Variants in MVB12B observed in about 807,000 individuals in gnomAD.
The protein encoded by MVB12B is ESCRT-I complex subunit MVB12B.
MVB12B carries 16 observed loss-of-function variants against 41.6 expected under a neutral mutation model. That is an observed-to-expected ratio of 0.38 (90% confidence interval 0.26 to 0.58). The LOEUF is 0.58. Ranked by LOEUF, MVB12B falls within the 20% of genes least tolerant of loss-of-function variation. The pLI is 0.62. For synonymous variants in MVB12B, 133 were observed against 139.7 expected (o/e 0.95, Z 0.34); for missense variants, 274 against 380.2 (o/e 0.72, Z 2.32).
chr9:126,420,561 C>CTTTTT (rs567217742), intron 6 of MVB12B, among the ~76,000 whole-genome samples: 15 of 98,874 alleles, frequency 1.5e-4, no homozygotes, highest in African/African-American at 4.6e-4. Context: ...TCCCAGGAGT[C>CTTTTT]TTTTTTTTTT....
intron 7 of MVB12B, among the ~76,000 whole-genome samples, chr9:126,455,148 A>G (rs1832956034): frequency 6.6e-6 from 1 of 152,124 alleles, no homozygotes; most frequent in East Asian, 1.9e-4. Context: ...CGAGCTGGCT[A>G]GAGGTGAATT....
At chr9:126,420,137 CTT>C (rs1206836270) in intron 6 of MVB12B, among the ~76,000 whole-genome samples, 1 of 152,236 alleles carries the variant, frequency 6.6e-6, no homozygotes, top group Non-Finnish European at 1.5e-5. Context: ...ATTGTTCCTT[CTT>C]TTCATGCTTA....
At position 126,425,725 on chromosome 9, in the gene MVB12B, G is replaced by A. The variant is rs142801223; in HGVS notation, c.757+3777G>A. On this transcript the variant is annotated intron_variant, in intron 7 of 9. Coordinates refer to ENST00000361171, the MANE Select transcript of MVB12B (RefSeq NM_033446.3). ...TTTATGTCCTGCTGGCCCTCTGGAT[G>A]TGGACTGGGCAGGCAAGCAGCCGGC... 8.1e-4 allele frequency among the ~76,000 whole-genome samples: 123 copies of A among 152,332 alleles called. 1 individual carries two copies. The highest frequency in any genetic ancestry group is 3.4e-3 in the Middle Eastern group (1 of 294).
intron 7 of MVB12B, among the ~76,000 whole-genome samples, chr9:126,456,053 G>T (rs1326784039): frequency 6.6e-6 from 1 of 152,028 alleles, no homozygotes; most frequent in South Asian, 2.1e-4. Flanking sequence ...ACCATGCCCA[G>T]CTAATTTTGT....
intron 7 of MVB12B, among the ~76,000 whole-genome samples, chr9:126,435,314 G>A (rs892216217): frequency 2.6e-5 from 4 of 152,150 alleles, no homozygotes; most frequent in Non-Finnish European, 4.4e-5. Context: ...GATGGAGAGG[G>A]TGCAGCTGAC....
intron 2 of MVB12B, among the ~76,000 whole-genome samples, chr9:126,375,646 TTC>T (rs1830462718): frequency 6.6e-5 from 10 of 152,166 alleles, no homozygotes; most frequent in Admixed American, 6.5e-4. Flanking sequence ...TAATCCTCGG[TTC>T]TGCTGATGCA....
intron 7 of MVB12B, among the ~76,000 whole-genome samples, chr9:126,430,032 G>A (rs918366475): frequency 5.9e-5 from 9 of 152,144 alleles, no homozygotes; most frequent in African/African-American, 2.2e-4. Context: ...GAAGGCCGTG[G>A]GCCCGGGCCT....
At chr9:126,413,068 C>T (rs1042432630) in intron 6 of MVB12B, among the ~76,000 whole-genome samples, 6 of 152,222 alleles carry the variant, frequency 3.9e-5, no homozygotes, top group African/African-American at 1.4e-4. Context: ...CTGTCCTTTC[C>T]TTCCACAGCT....
rs78712219 is a variant in MVB12B, at chr9:126,356,206, C to T, written c.204+15576C>T. Reference sequence around the variant, plus strand: ...TTCTAAAAGAACTTTAGATTCAACTCGTCAAATTGCACAAAATACTATGTT... The same window carrying T: ...TTCTAAAAGAACTTTAGATTCAACTTGTCAAATTGCACAAAATACTATGTT... On this transcript the variant is annotated intron_variant, in intron 2 of 9. Coordinates refer to ENST00000361171, the MANE Select transcript of MVB12B (RefSeq NM_033446.3). Among the ~76,000 whole-genome samples the T allele has an allele frequency of 6.1e-3, 932 of 152,244 alleles. 14 individuals are homozygous for T. The highest frequency in any genetic ancestry group is 0.021 in the African/African-American group (874 of 41,526).
Position 126,481,365 on chromosome 9 carries a change from G to A in MVB12B, c.758-4G>A. The stretch of plus-strand genomic sequence containing the variant: ...ATGCCATCTTTTTTTTTCTTCTTTT[G>A]CAGCAATGGATGGTGTGCCTTTTAT... On this transcript the variant is annotated splice_region_variant and splice_polypyrimidine_tract_variant and intron_variant, in intron 7 of 9. Coordinates refer to ENST00000361171, the MANE Select transcript of MVB12B (RefSeq NM_033446.3). 6.2e-7 allele frequency: 1 copy of A among 1,607,148 alleles called. No homozygotes were observed. The highest frequency in any genetic ancestry group is 8.5e-7 in the Non-Finnish European group (1 of 1,177,048).
chr9:126,434,576 A>G (rs529616315), intron 7 of MVB12B, among the ~76,000 whole-genome samples: 5 of 152,366 alleles, frequency 3.3e-5, no homozygotes, highest in African/African-American at 1.2e-4. Context: ...CCTAGAGGCA[A>G]TAAACACACC....
At chr9:126,380,954 G>A (rs2118961830) in intron 2 of MVB12B, 110 bp from the exon 3 acceptor site, 1 of 741,978 alleles carries the variant, frequency 1.3e-6, no homozygotes, top group African/African-American at 1.8e-5. Context: ...GAGATGCCGG[G>A]AGATCCCAAG....
intron 6 of MVB12B, among the ~76,000 whole-genome samples, chr9:126,413,813 A>G (rs1478504520): frequency 2.1e-5 from 2 of 93,446 alleles, no homozygotes; most frequent in East Asian, 2.8e-4. Context: ...TGTGAACCCC[A>G]TTGGTTGTGT....
At chr9:126,375,477 A>G (rs531299320) in intron 2 of MVB12B, among the ~76,000 whole-genome samples, 13 of 142,870 alleles carry the variant, frequency 9.1e-5, no homozygotes, top group African/African-American at 2.8e-4. Context: ...GAGAAAGTAC[A>G]GTTCTAAATG....
intron 6 of MVB12B, among the ~76,000 whole-genome samples, chr9:126,419,451 T>C (rs1458555855): frequency 6.6e-6 from 1 of 152,198 alleles, no homozygotes; most frequent in Non-Finnish European, 1.5e-5. Context: ...CAACACGCAC[T>C]GGGCCGCGCA....
chr9:126,420,561 C>CTTT lies in MVB12B; in HGVS notation c.663-1262_663-1260dup, dbSNP rs567217742. ...CTGGAGAGCCTTTCCTCCCAGGAGT[C>CTTT]TTTTTTTTTTTTTTTTTTTTTTTTT... On this transcript the variant is annotated intron_variant, in intron 6 of 9. Coordinates refer to ENST00000361171, the MANE Select transcript of MVB12B (RefSeq NM_033446.3). Among the ~76,000 whole-genome samples, 132 of 98,824 alleles carry CTTT rather than the reference C, an allele frequency of 1.3e-3. 3 individuals carry two copies. The highest frequency in any genetic ancestry group is 2.3e-3 in the African/African-American group (51 of 21,928). The allele number at this position is 98,824 out of a possible 152,430, so 64.8% of individuals were successfully genotyped here.
intron 2 of MVB12B, among the ~76,000 whole-genome samples, chr9:126,380,194 C>A (rs1307700487): frequency 1.3e-5 from 2 of 152,142 alleles, no homozygotes; most frequent in Non-Finnish European, 2.9e-5. Context: ...CCCTGACCAG[C>A]GATTCACAGA....
chr9:126,444,171 C>T lies in MVB12B; in HGVS notation c.757+22223C>T, dbSNP rs77926885. On this transcript the variant is annotated intron_variant, in intron 7 of 9. Transcript: ENST00000361171. ...CAATGTACTTTACCTAGCCAGTCCT[C>T]AGTGGCTGAGTTTTTACATTATCTT... is the stretch of plus-strand genomic sequence containing the variant. Among the ~76,000 whole-genome samples, 82 of 152,322 alleles carry T rather than the reference C, an allele frequency of 5.4e-4. No homozygotes were observed. The East Asian group carries it at 0.014, about 26-fold the overall frequency.
At chr9:126,354,903 A>G (rs1829840929) in intron 2 of MVB12B, among the ~76,000 whole-genome samples, 1 of 152,180 alleles carries the variant, frequency 6.6e-6, no homozygotes, top group Non-Finnish European at 1.5e-5. Flanking sequence ...AATATCATCG[A>G]TTTTCAGCTA....
Sources: gnomAD v4.1 joint callset for allele counts (sites outside exome capture counted in the v4.1 genomes callset) on GRCh38, gnomAD v4.1.1 for gene constraint, MANE v1.5 for transcripts, NCBI Gene and HGNC (gene_info 2026-07-23, HGNC 2026-07-21) for gene names.